The following RB1CC1 variants were observed in gnomAD, a reference collection of about 807,000 sequenced individuals.
RB1CC1 encodes the protein RB1 inducible coiled-coil 1.
RB1CC1 carries 46 observed loss-of-function variants against 177.5 expected under a neutral mutation model. That is an observed-to-expected ratio of 0.26 (90% CI 0.20 to 0.33). RB1CC1 has a LOEUF of 0.33. RB1CC1 is among the 10% of genes least tolerant of loss of function. The pLI, the probability that RB1CC1 is intolerant of heterozygous loss-of-function variation, is 1.00. For synonymous variants in RB1CC1, 666 were observed against 613.6 expected (o/e 1.09, Z -1.26); for missense variants, 1,703 against 1,816.3 (o/e 0.94, Z 1.13).
intron 8 of RB1CC1, among the ~76,000 whole-genome samples, chr8:52,663,268 G>C (rs959662088): frequency 2.6e-5 from 4 of 151,936 alleles, no homozygotes; most frequent in Non-Finnish European, 5.9e-5. Flanking sequence ...TCCTAATTTT[G>C]CTGATAACCC....
At chr8:52,635,010 T>G (rs765560196) in intron 19 of RB1CC1, 42 bp from the exon 20 acceptor site, 1 of 1,526,988 alleles carries the variant, frequency 6.5e-7, no homozygotes, top group East Asian at 2.3e-5. Context: ...TCCTTGTACC[T>G]ACTCAAATAA....
In RB1CC1 at chr8:52,670,923, G is replaced by A. The variant is rs958533606; in HGVS notation, c.1003-2732C>T. ...GTGAGCCGAGATCGTGCCAGTGCACGCCAGCCTGGGTGACAGAGCGAGACT... is the reference window on the plus strand; with the variant it reads ...GTGAGCCGAGATCGTGCCAGTGCACACCAGCCTGGGTGACAGAGCGAGACT... On this transcript the variant is annotated intron_variant, in intron 7 of 23. Transcript: ENST00000025008. Among the ~76,000 whole-genome samples, 7 of 150,742 alleles carry A rather than the reference G, an allele frequency of 4.6e-5. No homozygotes were observed. The South Asian group carries it at 6.3e-4, about 14-fold the overall frequency.
chr8:52,636,709 T>C (rs1311346908), intron 18 of RB1CC1, among the ~76,000 whole-genome samples: 3 of 152,192 alleles, frequency 2.0e-5, no homozygotes, highest in African/African-American at 7.2e-5. Context: ...GTAAGAGTTT[T>C]ATAATTTTAG....
intron 1 of RB1CC1, among the ~76,000 whole-genome samples, chr8:52,689,237 T>TTCACCCAATCTTCA (rs1188511094): frequency 6.6e-6 from 1 of 152,218 alleles, no homozygotes; most frequent in Non-Finnish European, 1.5e-5. Context: ...GAAGTCTAGA[T>TTCACCCAATCTTCA]TCACCCAATC....
At position 52,668,050 on chromosome 8, in the gene RB1CC1, G is replaced by C; in HGVS notation, c.1144C>G (p.Leu382Val). Residue 382 changes from leucine (L) to valine (V), a missense_variant, in exon 8 of 24, where the codon CTG (leucine) becomes GTG (valine). By Grantham distance (32) the Leu-to-Val change is conservative (BLOSUM62 1). This residue lies in a region of RB1CC1 where 315 missense variants were observed against 304.9 expected (regional missense o/e 1.03). Transcript: ENST00000025008. ...LDQMIASCGR[L>V]VNEQKELAQG... ...GCAAGCTCTTTCTGTTCATTCACCA[G>C]TCGGCCACAGCTAGCAATCATCTGG... The C allele has an allele frequency of 6.2e-7, 1 of 1,613,934 alleles. No homozygotes were observed. Among genetic ancestry groups the C allele is most frequent in the South Asian group, 1.1e-5 (1 of 91,068 alleles).
At chr8:52,649,070 T>A (rs1236860960) in intron 15 of RB1CC1, among the ~76,000 whole-genome samples, 2 of 152,336 alleles carry the variant, frequency 1.3e-5, no homozygotes, top group South Asian at 2.1e-4. Flanking sequence ...TTTATTTCAT[T>A]TAATACTTTC....
intron 7 of RB1CC1, among the ~76,000 whole-genome samples, chr8:52,671,176 G>C (rs1453139304): frequency 6.6e-6 from 1 of 152,166 alleles, no homozygotes; most frequent in Non-Finnish European, 1.5e-5. Flanking sequence ...TCAATGCCCA[G>C]ATTTGAGCCC....
chr8:52,659,176 C>A (rs1468061592), intron 12 of RB1CC1, among the ~76,000 whole-genome samples, 200 bp from the exon 13 acceptor site: 1 of 152,164 alleles, frequency 6.6e-6, no homozygotes, highest in Non-Finnish European at 1.5e-5. Flanking sequence ...GCGACGTGAA[C>A]TGCTAGTGAT....
intron 1 of RB1CC1, among the ~76,000 whole-genome samples, chr8:52,702,043 G>A (rs1458407685): frequency 2.6e-5 from 4 of 151,846 alleles, no homozygotes; most frequent in African/African-American, 7.3e-5. Context: ...CTTGACCTTA[G>A]GTGATCCACC....
chr8:52,638,480 T>G (rs905187470), intron 18 of RB1CC1, among the ~76,000 whole-genome samples: 3 of 152,188 alleles, frequency 2.0e-5, no homozygotes, highest in Non-Finnish European at 4.4e-5. Context: ...CCTCAGAGGA[T>G]AAGTTGGGAA....
intron 5 of RB1CC1, among the ~76,000 whole-genome samples, chr8:52,678,581 G>T (rs1344847928): frequency 1.3e-5 from 2 of 152,220 alleles, no homozygotes; most frequent in Non-Finnish European, 2.9e-5. Flanking sequence ...TTAAGATGGA[G>T]TGGGGGATGC....
At chr8:52,674,827 A>G (rs1852948928) in intron 6 of RB1CC1, among the ~76,000 whole-genome samples, 1 of 152,166 alleles carries the variant, frequency 6.6e-6, no homozygotes, top group South Asian at 2.1e-4. Context: ...AGTGAACACT[A>G]GGCTTTTACA....
chr8:52,624,039 G>C lies in RB1CC1; in HGVS notation c.4708-180C>G, dbSNP rs545385207. On this transcript the variant is annotated intron_variant, in intron 23 of 23. Coordinates refer to ENST00000025008, the MANE Select transcript of RB1CC1 (RefSeq NM_014781.5). ...TATTGAGGGGTTGGAGGGATGTGGG[G>C]GTCTTTATCAAACTATGTAAGATCT... 4.6e-5 allele frequency among the ~76,000 whole-genome samples: 7 copies of C among 151,672 alleles called. No individual in the cohort carries two copies. In the East Asian group the frequency reaches 1.4e-3, roughly 29 times the overall value.
Position 52,674,235 on chromosome 8 carries a change from C to T in RB1CC1, c.612G>A (p.Leu204=). The T allele has an allele frequency of 1.2e-6, 2 of 1,611,890 alleles. No homozygotes were observed. Among genetic ancestry groups the T allele is most frequent in the Non-Finnish European group, 8.5e-7 (1 of 1,177,958 alleles). ...TAVSVMAKIP[L]LECLTRHSYR... ...AACTATGTCTGGTTAGGCACTCCAACAGTGGAATCTTGGCCATTACTGAAA... is the reference window on the plus strand; with the variant it reads ...AACTATGTCTGGTTAGGCACTCCAATAGTGGAATCTTGGCCATTACTGAAA... The change falls in exon 7 of 24, where the codon CTG becomes CTA. Residue 204 remains leucine, a synonymous_variant. Coordinates refer to ENST00000025008, the MANE Select transcript of RB1CC1 (RefSeq NM_014781.5).
intron 23 of RB1CC1, 77 bp from the exon 24 acceptor site, chr8:52,623,936 C>T: frequency 1.2e-6 from 1 of 846,580 alleles, no homozygotes. Flanking sequence ...ACACACACAC[C>T]CAAAAAACAA....
At chr8:52,689,859 G>A (rs1244662976) in intron 1 of RB1CC1, among the ~76,000 whole-genome samples, 2 of 152,080 alleles carry the variant, frequency 1.3e-5, no homozygotes, top group African/African-American at 4.8e-5. Flanking sequence ...CTTGAACTGG[G>A]AGGCGGAGGT....
chr8:52,646,310 A>C (rs1360789754), intron 15 of RB1CC1, among the ~76,000 whole-genome samples: 1 of 152,126 alleles, frequency 6.6e-6, no homozygotes, highest in Non-Finnish European at 1.5e-5. Context: ...ACAAACAAAC[A>C]AACAAACAAC....
chr8:52,712,894 C>A (rs1191277642), intron 1 of RB1CC1, among the ~76,000 whole-genome samples: 1 of 152,154 alleles, frequency 6.6e-6, no homozygotes, highest in Non-Finnish European at 1.5e-5. Context: ...ATCCAATAAT[C>A]CAAAAACTAA....
intron 1 of RB1CC1, among the ~76,000 whole-genome samples, chr8:52,708,529 C>T (rs925566024): frequency 6.6e-6 from 1 of 151,838 alleles, no homozygotes; most frequent in Non-Finnish European, 1.5e-5. Context: ...AACAAACAAA[C>T]AAACAAACAA....
Sources: gnomAD v4.1 joint callset for allele counts (sites outside exome capture counted in the v4.1 genomes callset) on GRCh38, gnomAD v4.1.1 for gene constraint, gnomAD v4.1.1 regional missense constraint, MANE v1.5 for transcripts, NCBI Gene and HGNC (gene_info 2026-07-23, HGNC 2026-07-21) for gene names.